NRXN3: variants seen among roughly 807,000 people sequenced by gnomAD.
NRXN3 encodes neurexin III.
Under a neutral mutation model 137.6 loss-of-function variants are expected in NRXN3, and 32 were observed. That is an observed-to-expected ratio of 0.23 (90% CI 0.18 to 0.31). NRXN3 has a LOEUF of 0.31. NRXN3 is among the 10% of genes least tolerant of loss of function. The probability of loss-of-function intolerance (pLI) is 1.00; values close to 1 mark genes in which losing one functional copy is unlikely to be tolerated. For missense variants in NRXN3, 1,574 were observed against 2,062.5 expected (o/e 0.76, Z 4.59); for synonymous variants, 798 against 784.5 (o/e 1.02, Z -0.29).
At chr14:78,181,233 T>G (rs1365637240) in intron 1 of NRXN3, among the ~76,000 whole-genome samples, 2 of 151,708 alleles carry the variant, frequency 1.3e-5, no homozygotes, top group East Asian at 3.9e-4. Flanking sequence ...GCCTAGGGAG[T>G]TTTTACAAAA....
intron 4 of NRXN3, chr14:78,602,513 CT>C (rs1484918150): frequency 6.6e-6 from 1 of 152,138 alleles, no homozygotes. Flanking sequence ...CTTTTCATGT[CT>C]GATGTATCAC....
At chr14:79,139,773 A>G (rs2058616983) in intron 15 of NRXN3, among the ~76,000 whole-genome samples, 1 of 152,012 alleles carries the variant, frequency 6.6e-6, no homozygotes, top group African/African-American at 2.4e-5. Context: ...TCACCTTCAA[A>G]ATCAAAACAA....
intron 20 of NRXN3, among the ~76,000 whole-genome samples, chr14:79,813,017 A>G (rs1325422554): frequency 2.0e-5 from 3 of 152,184 alleles, no homozygotes; most frequent in Admixed American, 2.0e-4. Context: ...TATGATATGC[A>G]CATATGCAAA....
intron 19 of NRXN3, among the ~76,000 whole-genome samples, chr14:79,767,572 T>G (rs939705473): frequency 6.6e-6 from 1 of 152,214 alleles, no homozygotes; most frequent in Non-Finnish European, 1.5e-5. Flanking sequence ...ATACCATCAT[T>G]ATTAAATCAG....
chr14:78,558,308 G>T (rs987070167), intron 4 of NRXN3, among the ~76,000 whole-genome samples: 21 of 152,264 alleles, frequency 1.4e-4, no homozygotes, highest in Admixed American at 3.9e-4. Context: ...TTTCTAGATG[G>T]ATATTCTGTG....
intron 15 of NRXN3, among the ~76,000 whole-genome samples, chr14:79,144,994 T>TG (rs2059156342): frequency 6.6e-6 from 1 of 152,168 alleles, no homozygotes; most frequent in African/African-American, 2.4e-5. Context: ...GAATTCTCCT[T>TG]GGCTAGAGTC....
chr14:78,360,059 G>C (rs887891), intron 4 of NRXN3, among the ~76,000 whole-genome samples: 150,704 of 152,310 alleles, frequency 0.99, 74,573 homozygotes, highest in East Asian at 1. Flanking sequence ...ACTCCATGTC[G>C]TCATAACCAT....
chr14:78,257,727 C>A (rs2069908039), intron 2 of NRXN3, among the ~76,000 whole-genome samples: 1 of 152,152 alleles, frequency 6.6e-6, no homozygotes, highest in African/African-American at 2.4e-5. Context: ...GTCTTAACTG[C>A]TTTGTAGGGA....
chr14:78,407,420 T>C (rs930601903), intron 4 of NRXN3, among the ~76,000 whole-genome samples: 1 of 152,206 alleles, frequency 6.6e-6, no homozygotes, highest in Non-Finnish European at 1.5e-5. Flanking sequence ...AATTATTTTA[T>C]AGTCAAGCTT....
At chr14:79,083,455 G>A (rs2047452618) in intron 15 of NRXN3, among the ~76,000 whole-genome samples, 1 of 152,156 alleles carries the variant, frequency 6.6e-6, no homozygotes, top group African/African-American at 2.4e-5. Flanking sequence ...CTTATATTGA[G>A]CGTTTGTAAT....
intron 15 of NRXN3, among the ~76,000 whole-genome samples, chr14:79,327,670 A>T (rs1158499282): frequency 1.3e-5 from 2 of 152,112 alleles, no homozygotes; most frequent in Non-Finnish European, 2.9e-5. Context: ...AACCCTTTGA[A>T]TTTCCATTGC....
chr14:79,726,685 A>AT (rs1317430728), intron 19 of NRXN3, among the ~76,000 whole-genome samples: 1 of 152,216 alleles, frequency 6.6e-6, no homozygotes, highest in Admixed American at 6.5e-5. Flanking sequence ...CAGTTTACAG[A>AT]TTAGGAAAGC....
intron 4 of NRXN3, among the ~76,000 whole-genome samples, chr14:78,510,053 T>C (rs2096073318): frequency 6.6e-6 from 1 of 150,802 alleles, no homozygotes; most frequent in Non-Finnish European, 1.5e-5. Flanking sequence ...TATATATATA[T>C]ATATATTTTG....
At chr14:78,274,180 C>G (rs1393016342) in intron 2 of NRXN3, among the ~76,000 whole-genome samples, 3 of 152,174 alleles carry the variant, frequency 2.0e-5, no homozygotes, top group Admixed American at 6.5e-5. Context: ...CTTTCTTTTC[C>G]TCCCAATGGT....
At chr14:79,161,204 G>A (rs767302512) in intron 15 of NRXN3, among the ~76,000 whole-genome samples, 2 of 151,898 alleles carry the variant, frequency 1.3e-5, no homozygotes, top group Non-Finnish European at 2.9e-5. Context: ...AAGAAAGAGA[G>A]TGAAGTGGGG....
chr14:78,226,460 C>T (rs1489279037), intron 1 of NRXN3, among the ~76,000 whole-genome samples: 1 of 152,162 alleles, frequency 6.6e-6, no homozygotes, highest in East Asian at 1.9e-4. Flanking sequence ...AAATGCCCAT[C>T]CTGGCATAGC....
chr14:79,196,283 A>C (rs8016735), intron 15 of NRXN3, among the ~76,000 whole-genome samples: 51,122 of 152,116 alleles, frequency 0.34, 8,871 homozygotes, highest in Non-Finnish European at 0.39. Flanking sequence ...GGGTAACTCA[A>C]AATGAACAGA....
intron 19 of NRXN3, among the ~76,000 whole-genome samples, chr14:79,712,214 AGCAATATGCTT>A (rs1328987970): frequency 6.6e-6 from 1 of 152,214 alleles, no homozygotes; most frequent in Non-Finnish European, 1.5e-5. Context: ...TCATAGTTCT[AGCAATATGCTT>A]GCATTTCTAT....
chr14:78,866,871 C>T (rs2099088276), intron 10 of NRXN3, among the ~76,000 whole-genome samples: 1 of 144,676 alleles, frequency 6.9e-6, no homozygotes, highest in Non-Finnish European at 1.5e-5. Context: ...GGTCTCGGCT[C>T]GTTGTAACCT....
Sources: gnomAD v4.1 joint callset for allele counts (sites outside exome capture counted in the v4.1 genomes callset) on GRCh38, gnomAD v4.1.1 for gene constraint, MANE v1.5 for transcripts, NCBI Gene and HGNC (gene_info 2026-07-23, HGNC 2026-07-21) for gene names.